Variants in TENM3 observed in about 807,000 individuals in gnomAD.
TENM3 encodes the protein teneurin-3.
Under a neutral mutation model 255.1 loss-of-function variants are expected in TENM3, and 63 were observed. That is an observed-to-expected ratio of 0.25 (90% confidence interval 0.20 to 0.30). The LOEUF (loss-of-function observed/expected upper bound fraction) is 0.30. TENM3 is among the 10% of genes least tolerant of loss of function. The pLI, the probability that TENM3 is intolerant of heterozygous loss-of-function variation, is 1.00. For missense variants in TENM3, 2,929 were observed against 3,461.1 expected, an observed-to-expected ratio of 0.85 and a Z score of 3.86; for synonymous variants, 1,306 against 1,322.3, an observed-to-expected ratio of 0.99 and a Z score of 0.27.
At chr4:181,780,213 C>A in the TENM3 span, among the ~76,000 whole-genome samples, 2 of 152,214 alleles carry the variant, frequency 1.3e-5, no homozygotes, top group African/African-American at 4.8e-5. Context: ...AATTGTCACA[C>A]TGTCTTCCAC....
the TENM3 span, among the ~76,000 whole-genome samples, chr4:181,669,427 C>T: frequency 2.0e-4 from 30 of 152,124 alleles, no homozygotes; most frequent in Non-Finnish European, 7.3e-5. Flanking sequence ...AATTATTCCT[C>T]TAAATTCCCT....
chr4:182,492,029 T>A (rs1339935914), intron 3 of TENM3, among the ~76,000 whole-genome samples: 3 of 152,150 alleles, frequency 2.0e-5, no homozygotes, highest in African/African-American at 4.8e-5. Context: ...GCAGGTGTGC[T>A]GAGCTGAAGG....
chr4:182,221,751 C>T (rs1755862631), intron 1 of TENM3, among the ~76,000 whole-genome samples: 1 of 152,140 alleles, frequency 6.6e-6, no homozygotes, highest in South Asian at 2.1e-4. Context: ...TTTAAAAAAT[C>T]CTGGCATTTG....
chr4:181,614,302 A>G, the TENM3 span, among the ~76,000 whole-genome samples: 6 of 152,226 alleles, frequency 3.9e-5, no homozygotes, highest in South Asian at 1.2e-3. Context: ...CTGCCTGCCT[A>G]GTGAAATGTT....
In TENM3 at chr4:182,351,211, A is replaced by G. The variant is rs572074218; in HGVS notation, c.511+4282A>G. On this transcript the variant is annotated intron_variant, in intron 3 of 27. Coordinates refer to ENST00000511685, the MANE Select transcript of TENM3 (RefSeq NM_001080477.4). ...GAAGGGTAAGGTTGCCCCTGGTATCAAGGAAATAAGAACCAGAAGTCATCA... is the reference window on the plus strand; with the variant it reads ...GAAGGGTAAGGTTGCCCCTGGTATCGAGGAAATAAGAACCAGAAGTCATCA... Among the ~76,000 whole-genome samples the G allele has an allele frequency of 9.2e-5, 14 of 152,274 alleles. No individual in the cohort carries two copies. In the South Asian group the frequency reaches 2.7e-3, roughly 29 times the overall value.
At chr4:181,908,271 T>C in the TENM3 span, among the ~76,000 whole-genome samples, 7 of 152,216 alleles carry the variant, frequency 4.6e-5, no homozygotes, top group Non-Finnish European at 8.8e-5. Flanking sequence ...TGTCTAGTAG[T>C]GACAGTTTCT....
chr4:182,706,543 C>A (rs1187894489), intron 12 of TENM3, among the ~76,000 whole-genome samples: 1 of 152,100 alleles, frequency 6.6e-6, no homozygotes, highest in Non-Finnish European at 1.5e-5. Flanking sequence ...CAAAAGATGG[C>A]CTCTGTATTA....
intron 3 of TENM3, among the ~76,000 whole-genome samples, chr4:182,529,290 T>C (rs371859839): frequency 2.0e-5 from 3 of 152,314 alleles, no homozygotes; most frequent in African/African-American, 7.2e-5. Context: ...ATGTATCACT[T>C]GGTCTGAAAA....
intron 3 of TENM3, among the ~76,000 whole-genome samples, chr4:182,367,386 C>T (rs76984622): frequency 0.11 from 17,201 of 152,150 alleles, 1,120 homozygotes; most frequent in Non-Finnish European, 0.14. Flanking sequence ...AAGACTGTCT[C>T]TGTGGGTAGT....
chr4:181,787,020 G>T, the TENM3 span, among the ~76,000 whole-genome samples: 1 of 152,322 alleles, frequency 6.6e-6, no homozygotes, highest in East Asian at 1.9e-4. Flanking sequence ...ACTCTCTCAT[G>T]TCCCCTTTGT....
the TENM3 span, among the ~76,000 whole-genome samples, chr4:181,884,646 A>G: frequency 6.6e-6 from 1 of 152,136 alleles, no homozygotes; most frequent in East Asian, 1.9e-4. Context: ...ATCTCTTTCG[A>G]TGGCTGGATA....
chr4:181,509,323 A>G, the TENM3 span, among the ~76,000 whole-genome samples: 1 of 152,144 alleles, frequency 6.6e-6, no homozygotes, highest in African/African-American at 2.4e-5. Context: ...GAAAATTTGA[A>G]ATGAATGTTT....
At chr4:181,524,383 G>A in the TENM3 span, among the ~76,000 whole-genome samples, 6 of 152,162 alleles carry the variant, frequency 3.9e-5, no homozygotes, top group Non-Finnish European at 8.8e-5. Flanking sequence ...GAATTGACAC[G>A]AAAGGCTTAA....
At chr4:181,963,876 G>A in the TENM3 span, among the ~76,000 whole-genome samples, 1 of 152,100 alleles carries the variant, frequency 6.6e-6, no homozygotes, top group African/African-American at 2.4e-5. Context: ...ATTTGGGGTA[G>A]TTAACACTAG....
At chr4:182,013,900 A>G in the TENM3 span, among the ~76,000 whole-genome samples, 39 of 149,512 alleles carry the variant, frequency 2.6e-4, no homozygotes, top group African/African-American at 9.5e-4. Context: ...AAAGTACTAC[A>G]GTATAATACT....
At chr4:182,460,203 C>T (rs913373246) in intron 3 of TENM3, among the ~76,000 whole-genome samples, 13 of 152,004 alleles carry the variant, frequency 8.6e-5, no homozygotes, top group Non-Finnish European at 1.2e-4. Flanking sequence ...GGACAGAGGA[C>T]GTAAAAATTG....
chr4:181,604,388 A>G, the TENM3 span, among the ~76,000 whole-genome samples: 3 of 152,376 alleles, frequency 2.0e-5, no homozygotes, highest in East Asian at 5.8e-4. Flanking sequence ...TTTCGCTTGC[A>G]TTTGGAGAAC....
At chr4:182,016,215 C>A in the TENM3 span, among the ~76,000 whole-genome samples, 1 of 152,130 alleles carries the variant, frequency 6.6e-6, no homozygotes, top group Non-Finnish European at 1.5e-5. Context: ...ATTGTTAATA[C>A]CATGCTCCTA....
At chr4:182,154,538 A>G (rs955119367) in intron 1 of TENM3, among the ~76,000 whole-genome samples, 1 of 152,174 alleles carries the variant, frequency 6.6e-6, no homozygotes, top group African/African-American at 2.4e-5. Context: ...TGCAGAGGTT[A>G]CTATTTTGAT....
Sources: allele counts gnomAD v4.1 joint callset (sites outside exome capture counted in the v4.1 genomes callset), GRCh38; gene constraint gnomAD v4.1.1; transcripts MANE v1.5; gene names NCBI Gene and HGNC (gene_info 2026-07-23, HGNC 2026-07-21).